GSE1: variants seen among roughly 807,000 people sequenced by gnomAD.
GSE1 encodes the protein genetic suppressor element 1.
GSE1 carries 32 observed loss-of-function variants against 112.6 expected under a neutral mutation model. The observed-to-expected ratio is 0.28, with a 90% CI of 0.21 to 0.38. The LOEUF (loss-of-function observed/expected upper bound fraction) is 0.38, where lower values mean the gene tolerates loss of function less well. GSE1 is among the 10% of genes least tolerant of loss of function. The pLI is 1.00. For missense variants in GSE1, 2,348 were observed against 1,699.2 expected, an observed-to-expected ratio of 1.38 and a Z score of -6.71; for synonymous variants, 1,115 against 735.6, an observed-to-expected ratio of 1.52 and a Z score of -8.35.
At chr16:85,172,700 C>T (rs2074382026) in intron 1 of GSE1, among the ~76,000 whole-genome samples, 1 of 152,190 alleles carries the variant, frequency 6.6e-6, no homozygotes, top group Non-Finnish European at 1.5e-5. Flanking sequence ...TAATCAAACG[C>T]CTGTAGTGGC....
At chr16:85,434,204 C>T (rs2049187160) in intron 2 of GSE1, among the ~76,000 whole-genome samples, 1 of 151,950 alleles carries the variant, frequency 6.6e-6, no homozygotes, top group South Asian at 2.1e-4. Flanking sequence ...GGACTGCAGC[C>T]TCATTTCTGT....
intron 2 of GSE1, among the ~76,000 whole-genome samples, chr16:85,508,935 T>C (rs565235652): frequency 2.6e-5 from 4 of 152,278 alleles, no homozygotes; most frequent in South Asian, 4.2e-4. Context: ...ACATGGTTCG[T>C]TGGACAACAG....
chr16:85,170,663 C>G (rs1225741888), exon 1 of GSE1: 6 of 985,562 alleles, frequency 6.1e-6, no homozygotes, highest in South Asian at 9.4e-5. Flanking sequence ...TCCCCGGCCT[C>G]GCACCACCAG....
At chr16:85,460,838 GTC>G (rs2049949885) in intron 2 of GSE1, among the ~76,000 whole-genome samples, 1 of 152,152 alleles carries the variant, frequency 6.6e-6, no homozygotes. Flanking sequence ...GGTGGGGAGA[GTC>G]TGCCAGAGCA....
At chr16:85,504,664 A>G (rs1013435213) in intron 2 of GSE1, among the ~76,000 whole-genome samples, 2 of 152,250 alleles carry the variant, frequency 1.3e-5, no homozygotes, top group East Asian at 1.9e-4. Context: ...AAGGAAAAAA[A>G]TGGCAAGTGA....
chr16:85,266,814 T>C (rs1005109562), intron 1 of GSE1, among the ~76,000 whole-genome samples: 2 of 151,984 alleles, frequency 1.3e-5, no homozygotes, highest in Non-Finnish European at 2.9e-5. Context: ...GTGACCTGTG[T>C]GTTGAGGCCT....
intron 2 of GSE1, among the ~76,000 whole-genome samples, chr16:85,362,064 A>T (rs533679689): frequency 4.5e-4 from 68 of 152,196 alleles, no homozygotes; most frequent in African/African-American, 1.6e-3. Context: ...CCGGGAGTAC[A>T]GCTCCAGGGC....
intron 2 of GSE1, among the ~76,000 whole-genome samples, chr16:85,462,394 C>CCT (rs2049992026): frequency 6.6e-6 from 1 of 152,042 alleles, no homozygotes; most frequent in African/African-American, 2.4e-5. Flanking sequence ...TGCCTGCCCT[C>CCT]CTCTCCTGGT....
intron 1 of GSE1, among the ~76,000 whole-genome samples, chr16:85,585,880 G>C (rs1234439228): frequency 6.6e-6 from 1 of 152,142 alleles, no homozygotes; most frequent in African/African-American, 2.4e-5. Flanking sequence ...GCCTGCCTAG[G>C]GTCACTTCCT....
At position 85,648,758 on chromosome 16, in the gene GSE1, G is replaced by C; in HGVS notation, c.426+7G>C. 1 of 1,557,422 alleles carries C rather than the reference G, an allele frequency of 6.4e-7. No homozygotes were observed. Among genetic ancestry groups the C allele is most frequent in the South Asian group, 1.2e-5 (1 of 85,834 alleles). On this transcript the variant is annotated splice_region_variant and intron_variant, in intron 3 of 15. Transcript: ENST00000253458. ...GAGGAGTGAGAGCCGGCAGGTGAGT[G>C]GGGCGGGGCAGGGAGCCTAGCGTCC...
rs938480468 is a variant in GSE1 at position 85,536,463 on chromosome 16, C to T, written c.2465-97451C>T. Reference sequence around the variant, plus strand: ...TCCAGGGTGTTCCCTGCTTGCCAGGCGCCTCTGCAGTCCTTGCCTGTGTGG... The same window carrying T: ...TCCAGGGTGTTCCCTGCTTGCCAGGTGCCTCTGCAGTCCTTGCCTGTGTGG... On this transcript the variant is annotated intron_variant, in intron 2 of 2. Coordinates refer to the GSE1 transcript ENST00000637419. 3.9e-5 allele frequency among the ~76,000 whole-genome samples: 6 copies of T among 152,346 alleles called. No individual in the cohort carries two copies. The South Asian group carries it at 6.2e-4, about 16-fold the overall frequency.
intron 1 of GSE1, among the ~76,000 whole-genome samples, chr16:85,556,915 A>T (rs1213505466): frequency 1.3e-5 from 2 of 151,812 alleles, no homozygotes; most frequent in African/African-American, 4.8e-5. Flanking sequence ...GGGCCGGGGA[A>T]GCTCAGGAGG....
intron 1 of GSE1, among the ~76,000 whole-genome samples, chr16:85,579,125 G>A (rs1228976727): frequency 6.6e-6 from 1 of 152,182 alleles, no homozygotes; most frequent in Non-Finnish European, 1.5e-5. Context: ...GGAGAAGTGG[G>A]GTGACCTTGG....
intron 2 of GSE1, among the ~76,000 whole-genome samples, chr16:85,377,668 C>A (rs1194995356): frequency 6.6e-6 from 1 of 152,250 alleles, no homozygotes; most frequent in African/African-American, 2.4e-5. Context: ...TCCTGTGACA[C>A]CTGGAGGTCC....
chr16:85,649,636 C>T (rs1200279671), intron 3 of GSE1, among the ~76,000 whole-genome samples: 1 of 93,380 alleles, frequency 1.1e-5, no homozygotes, highest in Non-Finnish European at 2.9e-5. Flanking sequence ...GCTCTCCCGG[C>T]CCCCCACCCC....
At chr16:85,214,455 G>T (rs924557702) in intron 1 of GSE1, among the ~76,000 whole-genome samples, 2 of 152,206 alleles carry the variant, frequency 1.3e-5, no homozygotes, top group African/African-American at 4.8e-5. Flanking sequence ...ACCAAGCGAT[G>T]CGCAGGATGG....
chr16:85,449,822 C>T (rs1021486474), intron 2 of GSE1, among the ~76,000 whole-genome samples: 6 of 152,196 alleles, frequency 3.9e-5, no homozygotes, highest in African/African-American at 1.4e-4. Flanking sequence ...TTTGAAGATC[C>T]ACCTTGCAAA....
chr16:85,347,415 A>C (rs2151552319), intron 1 of GSE1, among the ~76,000 whole-genome samples: 1 of 152,252 alleles, frequency 6.6e-6, no homozygotes, highest in Admixed American at 6.5e-5. Flanking sequence ...GTTGCCTGAC[A>C]GCCATGAGGA....
chr16:85,234,689 C>T (rs1183660916), intron 1 of GSE1, among the ~76,000 whole-genome samples: 1 of 152,210 alleles, frequency 6.6e-6, no homozygotes, highest in Admixed American at 6.5e-5. Context: ...GCTGGCCTCA[C>T]ACTGCCCTTG....
Sources: allele counts gnomAD v4.1 joint callset (sites outside exome capture counted in the v4.1 genomes callset), GRCh38; gene constraint gnomAD v4.1.1; transcripts MANE v1.5; gene names NCBI Gene and HGNC (gene_info 2026-07-23, HGNC 2026-07-21).